The following CYP7B1 variants were observed in gnomAD, a reference collection of about 807,000 sequenced individuals.
CYP7B1 encodes the protein cytochrome P450 family 7 subfamily B member 1.
Under a neutral mutation model 42.7 loss-of-function variants are expected in CYP7B1, and 29 were observed. The observed-to-expected ratio is 0.68, with a 90% confidence interval of 0.51 to 0.93. The LOEUF (loss-of-function observed/expected upper bound fraction) is 0.93, where lower values mean the gene tolerates loss of function less well. CYP7B1 is among the 40% of genes least tolerant of loss of function. The probability of loss-of-function intolerance (pLI) is 0.00; values close to 1 mark genes in which losing one functional copy is unlikely to be tolerated. For missense variants in CYP7B1, 655 were observed against 600.5 expected (o/e 1.09, Z -0.95); for synonymous variants, 235 against 218.2 (o/e 1.08, Z -0.68).
intron 1 of CYP7B1, among the ~76,000 whole-genome samples, chr8:64,674,988 C>T (rs903771438): frequency 2.0e-5 from 3 of 151,912 alleles, no homozygotes; most frequent in African/African-American, 7.2e-5. Context: ...AAATGATGTG[C>T]TGTAAAACAG....
At chr8:64,602,243 G>A (rs1563538854) in intron 5 of CYP7B1, among the ~76,000 whole-genome samples, 1 of 152,158 alleles carries the variant, frequency 6.6e-6, no homozygotes, top group Non-Finnish European at 1.5e-5. Flanking sequence ...CACAGTGTGA[G>A]CAATGGCAAA....
intron 1 of CYP7B1, among the ~76,000 whole-genome samples, chr8:64,689,665 C>T (rs1432459002): frequency 6.6e-6 from 1 of 152,056 alleles, no homozygotes; most frequent in Non-Finnish European, 1.5e-5. Context: ...TCACAGGCTC[C>T]AAGTGATTCT....
chr8:64,652,379 T>A (rs545610707), intron 1 of CYP7B1, among the ~76,000 whole-genome samples: 1 of 152,306 alleles, frequency 6.6e-6, no homozygotes, highest in African/African-American at 2.4e-5. Context: ...TACATTCTTC[T>A]CATCACCACA....
intron 1 of CYP7B1, among the ~76,000 whole-genome samples, chr8:64,732,524 T>C (rs1807427817): frequency 6.6e-6 from 1 of 152,186 alleles, no homozygotes; most frequent in South Asian, 2.1e-4. Context: ...GGGATTTGCC[T>C]TGTTTCAGAT....
At chr8:64,773,686 G>T (rs1001250171) in intron 1 of CYP7B1, among the ~76,000 whole-genome samples, 2 of 152,166 alleles carry the variant, frequency 1.3e-5, no homozygotes, top group African/African-American at 4.8e-5. Context: ...ACAAAGAAAA[G>T]AAGTTTATTA....
chr8:64,730,123 A>G (rs1449052228), intron 1 of CYP7B1, among the ~76,000 whole-genome samples: 1 of 152,128 alleles, frequency 6.6e-6, no homozygotes, highest in Non-Finnish European at 1.5e-5. Flanking sequence ...ATGCAGTGGT[A>G]CCATCTCAGC....
chr8:64,789,472 C>A (rs1425232483), intron 1 of CYP7B1, among the ~76,000 whole-genome samples: 1 of 152,168 alleles, frequency 6.6e-6, no homozygotes, highest in Non-Finnish European at 1.5e-5. Context: ...ATAATTCATA[C>A]CTACTCCAAA....
At chr8:64,740,071 T>C (rs1415760578) in intron 1 of CYP7B1, among the ~76,000 whole-genome samples, 1 of 151,976 alleles carries the variant, frequency 6.6e-6, no homozygotes, top group Admixed American at 6.6e-5. Flanking sequence ...AAACAAAACA[T>C]GGATCTATAT....
chr8:64,725,845 T>C (rs1440303927), intron 1 of CYP7B1, among the ~76,000 whole-genome samples: 1 of 152,204 alleles, frequency 6.6e-6, no homozygotes, highest in Non-Finnish European at 1.5e-5. Context: ...CTGCCTAGTA[T>C]CTCTTCTCCT....
At chr8:64,791,161 C>A (rs1488182687) in intron 1 of CYP7B1, among the ~76,000 whole-genome samples, 1 of 152,136 alleles carries the variant, frequency 6.6e-6, no homozygotes, top group Non-Finnish European at 1.5e-5. Flanking sequence ...GGATATGAGA[C>A]AATAAATTTC....
chr8:64,781,876 T>C (rs1804429500), intron 1 of CYP7B1, among the ~76,000 whole-genome samples: 1 of 152,210 alleles, frequency 6.6e-6, no homozygotes, highest in Non-Finnish European at 1.5e-5. Context: ...TATTCCCAAG[T>C]AGCACAGCAC....
chr8:64,695,405 G>A (rs547653375), intron 1 of CYP7B1, among the ~76,000 whole-genome samples: 1 of 152,184 alleles, frequency 6.6e-6, no homozygotes, highest in African/African-American at 2.4e-5. Flanking sequence ...GGGAGAAGGA[G>A]GACATGTTCA....
chr8:64,680,283 T>C (rs1007459303), intron 1 of CYP7B1, among the ~76,000 whole-genome samples: 12 of 152,130 alleles, frequency 7.9e-5, no homozygotes, highest in African/African-American at 2.7e-4. Flanking sequence ...ATCTAACCAA[T>C]TGAGCTTTCC....
At position 64,615,924 on chromosome 8, in the gene CYP7B1, T is replaced by C; in HGVS notation, c.617A>G (p.Asn206Ser). 1 of 1,613,652 alleles carries C rather than the reference T, an allele frequency of 6.2e-7. No homozygotes were observed. ...IYGKVIVCDN[N>S]KFISELRDDF... ...ATCTCTTAGCTCACTAATAAATTTGTTGTTGTCACAAACAATAACTTTTCC... is the reference window on the plus strand; with the variant it reads ...ATCTCTTAGCTCACTAATAAATTTGCTGTTGTCACAAACAATAACTTTTCC... Residue 206 changes from asparagine (N) to serine (S), a missense_variant, in exon 3 of 6, where the codon AAC becomes AGC. Physicochemically the swap from Asn to Ser is conservative, Grantham distance 46 (BLOSUM62 1). Coordinates refer to ENST00000310193, the MANE Select transcript of CYP7B1 (RefSeq NM_004820.5).
chr8:64,787,130 A>G (rs890234549), intron 1 of CYP7B1, among the ~76,000 whole-genome samples: 2 of 152,244 alleles, frequency 1.3e-5, no homozygotes, highest in Admixed American at 1.3e-4. Context: ...AGGGGCTGCC[A>G]TGAAGGTCTC....
intron 1 of CYP7B1, among the ~76,000 whole-genome samples, chr8:64,742,119 AATT>A (rs1807578836): frequency 6.6e-6 from 1 of 152,254 alleles, no homozygotes; most frequent in Admixed American, 6.5e-5. Flanking sequence ...AAACAAATGG[AATT>A]ATAATTCTGA....
chr8:64,722,864 A>G (rs1807267061), intron 1 of CYP7B1, among the ~76,000 whole-genome samples: 1 of 151,336 alleles, frequency 6.6e-6, no homozygotes, highest in South Asian at 2.1e-4. Context: ...TGGAAGCCTG[A>G]TCAATCTGTC....
intron 1 of CYP7B1, among the ~76,000 whole-genome samples, chr8:64,651,531 T>C (rs1399022403): frequency 6.6e-6 from 1 of 152,252 alleles, no homozygotes; most frequent in African/African-American, 2.4e-5. Flanking sequence ...TCTTGGCTCC[T>C]GCTATGAGCT....
At chr8:64,669,833 A>G (rs953342544) in intron 1 of CYP7B1, among the ~76,000 whole-genome samples, 1 of 152,138 alleles carries the variant, frequency 6.6e-6, no homozygotes, top group Admixed American at 6.5e-5. Flanking sequence ...AACTTGTTGG[A>G]TGAATTATCT....
Sources: gnomAD v4.1 joint callset for allele counts (sites outside exome capture counted in the v4.1 genomes callset) on GRCh38, gnomAD v4.1.1 for gene constraint, MANE v1.5 for transcripts, NCBI Gene and HGNC (gene_info 2026-07-23, HGNC 2026-07-21) for gene names.